NRG2: variants seen among roughly 807,000 people sequenced by gnomAD.
NRG2 encodes the protein pro-neuregulin-2, membrane-bound isoform.
A neutral mutation model predicts 73.9 loss-of-function variants in NRG2; 27 were observed. The ratio of observed to expected loss-of-function variants is 0.37; its 90% CI spans 0.27 to 0.50. NRG2 has a LOEUF of 0.50. Among genes scored for constraint, NRG2 ranks in the 20% least tolerant of loss-of-function variants. NRG2 has a pLI of 0.96. For synonymous variants in NRG2, 532 were observed against 541.0 expected (o/e 0.98, Z 0.23); for missense variants, 1,126 against 1,210.1 (o/e 0.93, Z 1.03).
intron 1 of NRG2, among the ~76,000 whole-genome samples, chr5:139,989,997 C>T (rs1029896192): frequency 1.4e-5 from 2 of 148,122 alleles, no homozygotes; most frequent in African/African-American, 2.4e-5. Context: ...ACCATGTTAG[C>T]CAGGATGGTC....
At chr5:139,974,101 T>C (rs910458337) in intron 1 of NRG2, among the ~76,000 whole-genome samples, 3 of 152,322 alleles carry the variant, frequency 2.0e-5, no homozygotes, top group African/African-American at 7.2e-5. Context: ...AATTCCTACA[T>C]ACCCAGTCCT....
At chr5:140,025,298 T>G (rs2126677384) in intron 1 of NRG2, among the ~76,000 whole-genome samples, 1 of 152,282 alleles carries the variant, frequency 6.6e-6, no homozygotes, top group Middle Eastern at 3.4e-3. Context: ...CAGAAGGCTC[T>G]AAGTATCAAG....
intron 1 of NRG2, among the ~76,000 whole-genome samples, chr5:139,955,480 G>A (rs1174610281): frequency 2.0e-5 from 3 of 152,162 alleles, no homozygotes; most frequent in Admixed American, 1.3e-4. Context: ...GCAGCCAGAA[G>A]GTGAAAGGCT....
intron 1 of NRG2, among the ~76,000 whole-genome samples, chr5:140,022,898 C>G (rs1760353389): frequency 6.6e-6 from 1 of 152,060 alleles, no homozygotes; most frequent in East Asian, 1.9e-4. Flanking sequence ...ACTATTCTTC[C>G]CAGCTTTCCA....
In NRG2 at chr5:139,848,693, C is replaced by T. The variant is rs200566705; in HGVS notation, c.1777G>A (p.Val593Met). 5.9e-6 allele frequency: 9 copies of T among 1,518,806 alleles called. No homozygotes were observed. The highest frequency in any genetic ancestry group is 7.9e-6 in the Non-Finnish European group (9 of 1,140,884). 94.1% of individuals were successfully genotyped at this position (1,518,806 alleles called of 1,614,324 possible). The change falls in exon 10 of 10, where the codon GTG (valine) becomes ATG (methionine). Residue 593 changes from valine (V) to methionine (M), a missense_variant. Physicochemically the swap from Val to Met is conservative, Grantham distance 21. This residue lies in a region of NRG2 where 539 missense variants were observed against 703.2 expected (regional missense o/e 0.77). Transcript: ENST00000361474. Reference protein sequence around the residue: ...LRDSPHSERYVSALTTPARLS... With the variant: ...LRDSPHSERYMSALTTPARLS... ...CGCGCGGGCGTGGTCAGGGCCGACA[C>T]GTACCTGCGGGGAGAGGCAGAGGCA...
At chr5:140,005,358 C>G (rs1346151282) in intron 1 of NRG2, among the ~76,000 whole-genome samples, 1 of 152,182 alleles carries the variant, frequency 6.6e-6, no homozygotes, top group Non-Finnish European at 1.5e-5. Flanking sequence ...TGGTGCTTCC[C>G]CATACTCTCA....
Position 139,856,863 on chromosome 5 carries a change from C to A in NRG2, c.1190-1085G>T, listed in dbSNP as rs114451852. ...CACACTCCAGCAACAGGTGCACACA[C>A]ACGCCCATGCCCACTGACACACAGT... On this transcript the variant is annotated intron_variant, in intron 5 of 9. Transcript: ENST00000361474. The surrounding 1 kb of genome is among the most constrained non-coding windows in gnomAD (Gnocchi z 4.2). Among the ~76,000 whole-genome samples, 962 of 152,334 alleles carry A rather than the reference C, an allele frequency of 6.3e-3. 12 individuals carry two copies. The highest frequency in any genetic ancestry group is 0.022 in the African/African-American group (932 of 41,574).
chr5:139,983,101 C>G (rs1277897731), intron 1 of NRG2, among the ~76,000 whole-genome samples: 1 of 152,226 alleles, frequency 6.6e-6, no homozygotes, highest in Admixed American at 6.5e-5. Flanking sequence ...TTCCTGTGGA[C>G]AGTGGGGAGT....
chr5:139,848,123 C>T lies in NRG2; in HGVS notation c.2347G>A (p.Asp783Asn). The T allele has an allele frequency of 6.8e-7, 1 of 1,471,476 alleles. No individual in the cohort carries two copies. Among genetic ancestry groups the T allele is most frequent in the South Asian group, 1.3e-5 (1 of 77,756 alleles). 91.2% of individuals were successfully genotyped at this position (1,471,476 alleles called of 1,614,324 possible). Residue 783 changes from aspartate (D) to asparagine (N), a missense_variant, in exon 10 of 10, where the codon GAC (aspartate) becomes AAC (asparagine). Transcript: ENST00000361474. ...TCGGCCGCCAGCGCCCCGTCCGCGT[C>T]GTCCGCGTCGTCGTCCGACGCCGAG... ...SASASDDDAD[D>N]ADGALAAEST...
At chr5:139,873,834 C>T (rs184316271) in intron 3 of NRG2, among the ~76,000 whole-genome samples, 1 of 152,370 alleles carries the variant, frequency 6.6e-6, no homozygotes, top group African/African-American at 2.4e-5. Context: ...GGGCTTCTCA[C>T]ATATATGTCT....
intron 3 of NRG2, among the ~76,000 whole-genome samples, chr5:139,880,405 C>T (rs1437845605): frequency 6.6e-6 from 1 of 152,072 alleles, no homozygotes; most frequent in Non-Finnish European, 1.5e-5. Flanking sequence ...CCACCAGGGG[C>T]CCCAGGCATC....
intron 1 of NRG2, among the ~76,000 whole-genome samples, chr5:140,020,810 A>G (rs919270344): frequency 6.6e-6 from 1 of 152,250 alleles, no homozygotes; most frequent in Non-Finnish European, 1.5e-5. Flanking sequence ...GAGTTAGTTT[A>G]TGTCATCACA....
rs543344025 is a variant in NRG2, at chr5:139,848,503, G to A, written c.1967C>T (p.Pro656Leu). Residue 656 changes from proline to leucine, a missense_variant, in exon 10 of 10, where the codon CCG (proline) becomes CTG (leucine). Pro to Leu is a moderately conservative substitution (Grantham distance 98). This residue lies in a region of NRG2 where 402 missense variants were observed against 357.8 expected (regional missense o/e 1.12). Transcript: ENST00000361474. ...PLLRHPAPPG[P>L]GPGPGPGPGP... ...GGGCCCGGGCCCGGGTCCGGGTCCCGGGCCGGGGGGCGCCGGGTGCCGCAG... is the reference window on the plus strand; with the variant it reads ...GGGCCCGGGCCCGGGTCCGGGTCCCAGGCCGGGGGGCGCCGGGTGCCGCAG... The A allele has an allele frequency of 1.2e-5, 17 of 1,371,266 alleles. No homozygotes were observed. In the African/African-American group the frequency reaches 1.4e-4, roughly 11 times the overall value. 84.9% of individuals were successfully genotyped at this position (1,371,266 alleles called of 1,614,324 possible).
intron 9 of NRG2, among the ~76,000 whole-genome samples, chr5:139,849,403 A>T (rs1165551996): frequency 1.3e-5 from 2 of 152,200 alleles, no homozygotes; most frequent in African/African-American, 4.8e-5. Flanking sequence ...CAGTGAAGTC[A>T]AAACCTGCTT....
At chr5:139,956,077 A>G (rs1754603576) in intron 1 of NRG2, among the ~76,000 whole-genome samples, 2 of 152,214 alleles carry the variant, frequency 1.3e-5, no homozygotes. Context: ...CAGGCTCTGG[A>G]GGCTGGTGAA....
At chr5:139,943,830 G>T (rs1224983918) in intron 1 of NRG2, among the ~76,000 whole-genome samples, 1 of 152,336 alleles carries the variant, frequency 6.6e-6, no homozygotes, top group East Asian at 1.9e-4. Context: ...CAGCAGTGCA[G>T]TGAGGGGAGT....
intron 1 of NRG2, among the ~76,000 whole-genome samples, chr5:140,020,258 C>A (rs896178581): frequency 9.2e-5 from 14 of 152,204 alleles, no homozygotes; most frequent in African/African-American, 3.4e-4. Context: ...ATCTGAAGCA[C>A]GTTCAAAAAG....
rs1467275867 is a variant in NRG2, at chr5:139,852,437, G to A, written c.1539C>T (p.Ser513=). 2 of 1,613,220 alleles carry A rather than the reference G, an allele frequency of 1.2e-6. No homozygotes were observed. The highest frequency in any genetic ancestry group is 1.7e-5 in the Admixed American group (1 of 59,904). The stretch of plus-strand genomic sequence containing the variant: ...TGGGCCTTGGTGGTGCCTACCTGTG[G>A]CTGGAGGTGGGTGTGGCTGTGGAGC... ...HHCSTATPTS[S]HRHESHTWSL... is the part of the protein sequence containing the mutation. Residue 513 remains serine, a synonymous_variant, in exon 8 of 10, where the codon AGC becomes AGT. Transcript: ENST00000361474. This position sits in a 1 kb window ranked among gnomAD's most constrained non-coding sequence, Gnocchi z 4.4.
chr5:139,935,958 T>TAAA (rs554574182), intron 1 of NRG2, among the ~76,000 whole-genome samples: 14,179 of 121,844 alleles, frequency 0.12, 828 homozygotes, highest in South Asian at 0.24. Flanking sequence ...GACTCTGTCT[T>TAAA]AAAAAAAAAA....
Sources: gnomAD v4.1 joint callset for allele counts (sites outside exome capture counted in the v4.1 genomes callset) on GRCh38, gnomAD v4.1.1 for gene constraint, gnomAD v4.1.1 regional missense constraint, Gnocchi (gnomAD v3.1) non-coding constraint, MANE v1.5 for transcripts, NCBI Gene and HGNC (gene_info 2026-07-23, HGNC 2026-07-21) for gene names.